Variants in EFCAB12 observed in about 807,000 individuals in gnomAD.
The protein encoded by EFCAB12 is EF-hand calcium binding domain 12, also known as EF-hand calcium-binding domain-containing protein 12.
In EFCAB12, 43 loss-of-function variants were observed where a neutral mutation model predicts 53.6. That is an observed-to-expected ratio of 0.80 (90% confidence interval 0.63 to 1.03). EFCAB12 has a LOEUF of 1.03. Among genes scored for constraint, EFCAB12 ranks in the 50% least tolerant of loss-of-function variants. The pLI is 0.00. For missense variants in EFCAB12, 646 were observed against 730.6 expected, an observed-to-expected ratio of 0.88 and a Z score of 1.34; for synonymous variants, 269 against 289.2, an observed-to-expected ratio of 0.93 and a Z score of 0.71.
At chr3:129,408,567 G>A (rs2071983515) in intron 6 of EFCAB12, 78 bp downstream of exon 6, 1 of 1,445,254 alleles carries the variant, frequency 6.9e-7, no homozygotes, top group South Asian at 1.3e-5. Flanking sequence ...CTGCATGGGT[G>A]CCCTGGGTGG....
chr3:129,403,828 C>T (rs1487745840), intron 7 of EFCAB12: 3 of 154,780 alleles, frequency 1.9e-5, no homozygotes, highest in Admixed American at 1.3e-4. Flanking sequence ...TGCAAGCCCA[C>T]CTCTTGCCAG....
At chr3:129,410,777 G>A (rs960334809) in intron 5 of EFCAB12, among the ~76,000 whole-genome samples, 4 of 152,184 alleles carry the variant, frequency 2.6e-5, no homozygotes, top group African/African-American at 9.7e-5. Flanking sequence ...TACTGGACAA[G>A]CTAATTCATG....
intron 4 of EFCAB12, chr3:129,412,013 C>T (rs1366554552): frequency 6.6e-6 from 1 of 152,246 alleles, no homozygotes. Context: ...TAGTTCAAGA[C>T]CAGCCTGACC....
In EFCAB12 at chr3:129,402,580, C is replaced by T; in HGVS notation, c.1404-1G>A. ...TTTCTTGCTTTTCTTTGGCGTTTTCCTAGTGGAGAAGAGAGAGGCATTTTG... is the reference window on the plus strand; with the variant it reads ...TTTCTTGCTTTTCTTTGGCGTTTTCTTAGTGGAGAAGAGAGAGGCATTTTG... On this transcript the variant is annotated splice_acceptor_variant, in intron 7 of 8. Coordinates refer to ENST00000505956, the MANE Select transcript of EFCAB12 (RefSeq NM_207307.3). LOFTEE classifies it high-confidence loss of function. 1 of 1,612,266 alleles carries T rather than the reference C, an allele frequency of 6.2e-7. No individual in the cohort carries two copies. Among genetic ancestry groups the T allele is most frequent in the South Asian group, 1.1e-5 (1 of 90,718 alleles).
chr3:129,416,229 G>A (rs1413636496), intron 3 of EFCAB12, among the ~76,000 whole-genome samples: 1 of 152,094 alleles, frequency 6.6e-6, no homozygotes, highest in Non-Finnish European at 1.5e-5. Context: ...GACCAGACTG[G>A]CCAGCATGGT....
intron 6 of EFCAB12, among the ~76,000 whole-genome samples, chr3:129,406,056 A>G (rs1180713315): frequency 6.6e-6 from 1 of 152,026 alleles, no homozygotes; most frequent in Non-Finnish European, 1.5e-5. Flanking sequence ...CTTAAAAAAA[A>G]AAAAAAAGTG....
chr3:129,426,939 C>T (rs907086885), intron 1 of EFCAB12, among the ~76,000 whole-genome samples: 33 of 151,300 alleles, frequency 2.2e-4, no homozygotes, highest in African/African-American at 7.3e-4. Context: ...GCTCCACCTC[C>T]CTGGTTCATG....
At chr3:129,419,516 G>A (rs2072161870) in intron 2 of EFCAB12, among the ~76,000 whole-genome samples, 2 of 152,216 alleles carry the variant, frequency 1.3e-5, no homozygotes, top group Admixed American at 6.5e-5. Context: ...AATGGGCTAA[G>A]GATTAATTGG....
intron 6 of EFCAB12, among the ~76,000 whole-genome samples, chr3:129,407,990 G>A (rs2071975131): frequency 6.6e-6 from 1 of 152,194 alleles, no homozygotes; most frequent in African/African-American, 2.4e-5. Flanking sequence ...TCTCGGGGCT[G>A]GGCCCTTCTC....
intron 1 of EFCAB12, among the ~76,000 whole-genome samples, chr3:129,424,878 A>G (rs1179722787): frequency 1.3e-5 from 2 of 152,168 alleles, no homozygotes; most frequent in Non-Finnish European, 2.9e-5. Context: ...GAGGGTAACA[A>G]GATGTTCTCA....
chr3:129,418,812 C>T (rs887101488), intron 2 of EFCAB12, among the ~76,000 whole-genome samples: 81 of 152,276 alleles, frequency 5.3e-4, no homozygotes, highest in African/African-American at 1.4e-3. Context: ...TCCCCATCCC[C>T]GCCCCCAGCC....
intron 3 of EFCAB12, among the ~76,000 whole-genome samples, chr3:129,417,341 C>CAAAAA (rs1236887523): frequency 1.6e-3 from 102 of 63,660 alleles, no homozygotes; most frequent in East Asian, 3.8e-3. Flanking sequence ...AAAAAAAAAC[C>CAAAAA]AAAAAAAAAA....
chr3:129,408,685 C>G lies in EFCAB12; in HGVS notation c.1209G>C (p.Lys403Asn). The G allele has an allele frequency of 2.5e-6, 4 of 1,586,986 alleles. No individual in the cohort carries two copies. The highest frequency in any genetic ancestry group is 3.4e-6 in the Non-Finnish European group (4 of 1,165,480). Residue 403 changes from lysine (K) to asparagine (N), a missense_variant, in exon 6 of 9, where the codon AAG (lysine) becomes AAC (asparagine). Physicochemically the swap from Lys to Asn is moderately conservative, Grantham distance 94 (BLOSUM62 0). Coordinates refer to ENST00000505956, the MANE Select transcript of EFCAB12 (RefSeq NM_207307.3). ...LVYLQCWKLC[K>N]SYGLPLTEDI... Reference sequence around the variant, plus strand: ...CCTCTGTCAGCGGGAGGCCATAGGACTTACAGAGCTTCCAGCATTGCAGGT... The same window carrying G: ...CCTCTGTCAGCGGGAGGCCATAGGAGTTACAGAGCTTCCAGCATTGCAGGT...
chr3:129,406,534 G>T (rs529201787), intron 6 of EFCAB12, among the ~76,000 whole-genome samples: 18 of 152,264 alleles, frequency 1.2e-4, no homozygotes, highest in African/African-American at 3.1e-4. Flanking sequence ...AAAGGGTCTT[G>T]CTCTGTCACC....
rs376339673 is a variant in EFCAB12, at chr3:129,408,897, C to T, written c.1036-39G>A. The T allele has an allele frequency of 2.6e-6, 4 of 1,544,286 alleles. No individual in the cohort carries two copies. The African/African-American group carries it at 5.5e-5, about 21-fold the overall frequency. ...AGAAAGGGGCTCGCCCTTCTCTCGC[C>T]TGTGTCCCTCCTCCTGGCCAGAAGA... On this transcript the variant is annotated intron_variant, in intron 5 of 8. Coordinates refer to ENST00000505956, the MANE Select transcript of EFCAB12 (RefSeq NM_207307.3).
chr3:129,417,340 CCA>C (rs1491199722), intron 3 of EFCAB12, among the ~76,000 whole-genome samples: 9 of 103,094 alleles, frequency 8.7e-5, no homozygotes, highest in African/African-American at 3.9e-4. Flanking sequence ...AAAAAAAAAA[CCA>C]AAAAAAAAAA....
intron 4 of EFCAB12, chr3:129,414,329 A>C (rs2072084051): frequency 6.6e-6 from 1 of 152,166 alleles, no homozygotes; most frequent in Admixed American, 6.5e-5. Flanking sequence ...GTGTGACTGT[A>C]AACTCCAACG....
Position 129,421,551 on chromosome 3 carries a change from T to A in EFCAB12, c.302A>T (p.Asp101Val), listed in dbSNP as rs1248303951. The A allele has an allele frequency of 6.2e-7, 1 of 1,614,020 alleles. No individual in the cohort carries two copies. The highest frequency in any genetic ancestry group is 1.1e-5 in the South Asian group (1 of 91,086). The change falls in exon 2 of 9, where the codon GAC becomes GTC. Residue 101 changes from aspartate to valine, a missense_variant. By Grantham distance (152) the Asp-to-Val change is radical (BLOSUM62 -3). Transcript: ENST00000505956. ...EARDIQEQPE[D>V]RKTWLSQRSK... ...CCTCTGGCTCAGCCAGGTCTTCCTG[T>A]CCTCTGGCTGCTCTTGGATATCTCT... is the stretch of plus-strand genomic sequence containing the variant.
intron 1 of EFCAB12, among the ~76,000 whole-genome samples, chr3:129,426,370 T>G (rs866365516): frequency 3.5e-4 from 48 of 138,966 alleles, no homozygotes; most frequent in Admixed American, 1.7e-3. Context: ...TTTTTTTTTT[T>G]TTTTTTTTTT....
Sources: allele counts gnomAD v4.1 joint callset (sites outside exome capture counted in the v4.1 genomes callset), GRCh38; gene constraint gnomAD v4.1.1; transcripts MANE v1.5; gene names NCBI Gene and HGNC (gene_info 2026-07-23, HGNC 2026-07-21).